Variants in CAPN12 observed in about 807,000 individuals in gnomAD.
The protein encoded by CAPN12 is calpain-12.
CAPN12 carries 107 observed loss-of-function variants against 95.0 expected under a neutral mutation model. The observed-to-expected ratio is 1.13, with a 90% confidence interval of 0.96 to 1.32. The LOEUF is 1.32. Ranked by LOEUF, CAPN12 falls within the 40% of genes most tolerant of loss-of-function variation. The pLI is 0.00. For synonymous variants in CAPN12, 505 were observed against 415.5 expected, an observed-to-expected ratio of 1.22 and a Z score of -2.62; for missense variants, 1,136 against 997.8, an observed-to-expected ratio of 1.14 and a Z score of -1.87.
At position 38,735,516 on chromosome 19, in the gene CAPN12, G is replaced by C. The variant is rs371319901; in HGVS notation, c.1612C>G (p.Leu538Val). 1.2e-6 allele frequency: 2 copies of C among 1,611,092 alleles called. No homozygotes were observed. The highest frequency in any genetic ancestry group is 1.7e-6 in the Non-Finnish European group (2 of 1,179,506). ...VEIDDVISAD[L>V]QSLQGPYLPL... ...ACAGTCCCCACCTGGAGAGACTGCA[G>C]GTCTGCGCTGATCACGTCGTCGATC... The change falls in exon 13 of 21, where the codon CTG (leucine) becomes GTG (valine). Residue 538 changes from leucine (L) to valine (V), a missense_variant. Coordinates refer to ENST00000328867, the MANE Select transcript of CAPN12 (RefSeq NM_144691.4).
intron 5 of CAPN12, chr19:38,739,029 G>A (rs1430759297): frequency 6.6e-6 from 2 of 304,200 alleles, no homozygotes; most frequent in South Asian, 3.2e-5. Context: ...CTACTCTGGA[G>A]GCTGAGGCAG....
Position 38,733,730 on chromosome 19 carries a change from C to T in CAPN12, c.1930G>A (p.Glu644Lys), listed in dbSNP as rs566043949. The T allele has an allele frequency of 3.4e-5, 55 of 1,613,634 alleles. No individual in the cohort carries two copies. In the South Asian group the frequency reaches 5.5e-4, roughly 16 times the overall value. The change falls in exon 18 of 21, where the codon GAG (glutamate) becomes AAG (lysine). Residue 644 changes from glutamate (E) to lysine (K), a missense_variant. Physicochemically the swap from Glu to Lys is moderately conservative, Grantham distance 56 (BLOSUM62 1). Transcript: ENST00000328867. Reference sequence around the variant, plus strand: ...GCTGCATTCAGTGCCAGCCTCAGCTCGTAGGAGTTCATGGTTCCAGAGGTG... The same window carrying T: ...GCTGCATTCAGTGCCAGCCTCAGCTTGTAGGAGTTCATGGTTCCAGAGGTG... ...EDTSGTMNSYELRLALNAAGF... is the reference protein window; with the variant it reads ...EDTSGTMNSYKLRLALNAAGF...
intron 1 of CAPN12, 114 bp from the exon 2 acceptor site, chr19:38,743,216 A>C (rs1970664510): frequency 8.2e-7 from 1 of 1,224,744 alleles, no homozygotes; most frequent in Non-Finnish European, 1.2e-6. Context: ...GGGCAGGAGC[A>C]TGGCTTCCCT....
chr19:38,732,233 C>T (rs1009226650), intron 18 of CAPN12, among the ~76,000 whole-genome samples: 5 of 152,268 alleles, frequency 3.3e-5, no homozygotes, highest in African/African-American at 1.2e-4. Flanking sequence ...TCCCTCACCT[C>T]CACTCCTGTC....
Position 38,743,122 on chromosome 19 carries a change from C to A in CAPN12, c.238-20G>T, listed in dbSNP as rs752818677. The A allele has an allele frequency of 8.7e-6, 14 of 1,613,826 alleles. No individual in the cohort carries two copies. The highest frequency in any genetic ancestry group is 1.2e-5 in the Non-Finnish European group (14 of 1,179,890). On this transcript the variant is annotated intron_variant, in intron 1 of 20. Transcript: ENST00000328867. ...GAACTCCTGTGGGTGGTGGGGGATTCCAGGCCTCAGCCTGAGAAAGCGAGG... is the reference window on the plus strand; with the variant it reads ...GAACTCCTGTGGGTGGTGGGGGATTACAGGCCTCAGCCTGAGAAAGCGAGG...
At position 38,734,396 on chromosome 19, in the gene CAPN12, G is replaced by A. The variant is rs1011096561; in HGVS notation, c.1745-7C>T. On this transcript the variant is annotated splice_region_variant and splice_polypyrimidine_tract_variant and intron_variant, in intron 15 of 20. Coordinates refer to ENST00000328867, the MANE Select transcript of CAPN12 (RefSeq NM_144691.4). ...GTGGAGGTATGGGCCCTGGCTACAG[G>A]AAAAACAAAGTCAAACCACAGCACT... 1.3e-6 allele frequency: 2 copies of A among 1,577,474 alleles called. No homozygotes were observed. The highest frequency in any genetic ancestry group is 1.7e-6 in the Non-Finnish European group (2 of 1,163,300).
At chr19:38,738,678 G>C in intron 5 of CAPN12, 30 bp from the exon 6 acceptor site, 1 of 1,610,158 alleles carries the variant, frequency 6.2e-7, no homozygotes, top group Non-Finnish European at 8.5e-7. Flanking sequence ...GTGAGGCCAA[G>C]GTAGGGGACA....
At position 38,734,219 on chromosome 19, in the gene CAPN12, G is replaced by A. The variant is rs370219291; in HGVS notation, c.1816-15C>T. 40 of 1,612,540 alleles carry A rather than the reference G, an allele frequency of 2.5e-5. No homozygotes were observed. The African/African-American group carries it at 3.3e-4, about 13-fold the overall frequency. On this transcript the variant is annotated splice_polypyrimidine_tract_variant and intron_variant, in intron 16 of 20. Transcript: ENST00000328867. ...CTTTGCCCATGCTGTGTTGGGGGTC[G>A]GGGGCATCTGGTTAAGGTCAATCTC...
intron 14 of CAPN12, chr19:38,735,161 A>G (rs1355469779): frequency 2.6e-4 from 155 of 604,240 alleles, no homozygotes; most frequent in Non-Finnish European, 6.1e-5. Flanking sequence ...CAGGAGGGAG[A>G]GGGTGGTCCT....
chr19:38,732,056 G>C (rs34703567), intron 18 of CAPN12, among the ~76,000 whole-genome samples: 1 of 152,238 alleles, frequency 6.6e-6, no homozygotes, highest in African/African-American at 2.4e-5. Context: ...CCGAGAAGGC[G>C]CTGGAGCCCC....
Position 38,730,491 on chromosome 19 carries a change from T to C in CAPN12, c.*361A>G, listed in dbSNP as rs1969497881. On this transcript the variant is annotated 3_prime_UTR_variant, in exon 21 of 21. Coordinates refer to ENST00000328867, the MANE Select transcript of CAPN12 (RefSeq NM_144691.4). ...CTTGGTTTCTGGATAAACCACCCTCTGGGGACAGGATAATAAAACATGTAA... is the reference window on the plus strand; with the variant it reads ...CTTGGTTTCTGGATAAACCACCCTCCGGGGACAGGATAATAAAACATGTAA... 3.6e-6 allele frequency: 1 copy of C among 276,422 alleles called. No individual in the cohort carries two copies. The allele number at this position is 276,422 out of a possible 1,614,324, so 17.1% of individuals were successfully genotyped here.
rs1970276360 is a variant in CAPN12, at chr19:38,737,432, G to GC, written c.1129+42dup. On this transcript the variant is annotated intron_variant, in intron 9 of 20. Transcript: ENST00000328867. ...AGGGGGTTTCCTAGCCGGCCACAGC[G>GC]CCCCCCACCCCAGGAAGCCTCTCAG... 5 of 1,609,990 alleles carry GC rather than the reference G, an allele frequency of 3.1e-6. No homozygotes were observed. The South Asian group carries it at 3.3e-5, about 11-fold the overall frequency.
intron 5 of CAPN12, 146 bp from the exon 6 acceptor site, chr19:38,738,794 G>C: frequency 1.5e-6 from 1 of 672,688 alleles, no homozygotes; most frequent in Non-Finnish European, 2.6e-6. Context: ...GTCAGGGTTA[G>C]TGACTGAAGG....
rs141602730 is a variant in CAPN12 at position 38,740,151 on chromosome 19, C to G, written c.629G>C (p.Gly210Ala). 1,041 of 1,613,528 alleles carry G rather than the reference C, an allele frequency of 6.5e-4. No individual in the cohort carries two copies. The highest frequency in any genetic ancestry group is 8.3e-4 in the Non-Finnish European group (981 of 1,179,778). Reference protein sequence around the residue: ...MNEAFVDFTGGVGEVLYLRQN... With the variant: ...MNEAFVDFTGAVGEVLYLRQN... ...TCTCAGATAGAGCACCTCGCCCACG[C>G]CGCCTGTGAAATCCACAAAAGCCTC... Residue 210 changes from glycine to alanine, a missense_variant, in exon 5 of 21, where the codon GGC (glycine) becomes GCC (alanine). Gly to Ala is a moderately conservative substitution (Grantham distance 60, BLOSUM62 0). Transcript: ENST00000328867.
At chr19:38,733,847 C>G (rs144954899) in intron 17 of CAPN12, 66 bp from the exon 18 acceptor site, 15 of 1,335,592 alleles carry the variant, frequency 1.1e-5, no homozygotes, top group East Asian at 2.3e-5. Context: ...TGGGGCCTCC[C>G]AGGCAAGACA....
At chr19:38,731,278 T>G in intron 18 of CAPN12, 55 bp from the exon 19 acceptor site, 3 of 1,368,560 alleles carry the variant, frequency 2.2e-6, no homozygotes, top group Non-Finnish European at 3.1e-6. Context: ...ACCTTGGCAT[T>G]GCATCCCCAC....
At chr19:38,744,627 G>A (rs1364460325), upstream of CAPN12, among the ~76,000 whole-genome samples, 1 of 152,160 alleles carries the variant, frequency 6.6e-6, no homozygotes, top group Non-Finnish European at 1.5e-5. Context: ...AGTTTCTGGA[G>A]TGCAGTGGCA....
At chr19:38,734,423 C>T in intron 15 of CAPN12, 34 bp from the exon 16 acceptor site, 1 of 1,542,274 alleles carries the variant, frequency 6.5e-7, no homozygotes, top group Non-Finnish European at 8.8e-7. Flanking sequence ...CACAGCACTT[C>T]CTGCATTCTG....
chr19:38,739,796 G>A (rs1970442223), intron 5 of CAPN12: 1 of 356,478 alleles, frequency 2.8e-6, no homozygotes, highest in African/African-American at 2.1e-5. Context: ...TGAGGGGAGA[G>A]CCTGGCTGAG....
Sources: gnomAD v4.1 joint callset for allele counts (sites outside exome capture counted in the v4.1 genomes callset) on GRCh38, gnomAD v4.1.1 for gene constraint, MANE v1.5 for transcripts, NCBI Gene and HGNC (gene_info 2026-07-23, HGNC 2026-07-21) for gene names.